CELF2: variants seen among roughly 807,000 people sequenced by gnomAD.
CELF2 encodes CUGBP Elav-like family member 2.
Under a neutral mutation model 62.6 loss-of-function variants are expected in CELF2, and 8 were observed. That is an observed-to-expected ratio of 0.13 (90% CI 0.07 to 0.23). CELF2 has a LOEUF of 0.23. Ranked by LOEUF, CELF2 falls within the 10% of genes least tolerant of loss-of-function variation. CELF2 has a pLI of 1.00. For synonymous variants in CELF2, 258 were observed against 250.0 expected, an observed-to-expected ratio of 1.03 and a Z score of -0.30; for missense variants, 333 against 671.0, an observed-to-expected ratio of 0.50 and a Z score of 5.56.
At chr10:11,128,856 G>T (rs895353187) in intron 1 of CELF2, among the ~76,000 whole-genome samples, 3 of 152,118 alleles carry the variant, frequency 2.0e-5, no homozygotes, top group Non-Finnish European at 4.4e-5. Flanking sequence ...TTTCCTAATT[G>T]AATACCCTTT....
chr10:10,711,877 A>G, the CELF2 span, among the ~76,000 whole-genome samples: 5 of 152,138 alleles, frequency 3.3e-5, no homozygotes, highest in Admixed American at 3.3e-4. Flanking sequence ...GCTAGACTCC[A>G]TCTCATAAAA....
At chr10:10,869,088 TCTTA>T (rs1216704013) in intron 1 of CELF2, among the ~76,000 whole-genome samples, 1 of 152,210 alleles carries the variant, frequency 6.6e-6, no homozygotes, top group African/African-American at 2.4e-5. Context: ...TTTTTCCATG[TCTTA>T]CTTTTTTTAA....
chr10:10,922,381 C>A (rs2065002773), intron 2 of CELF2, among the ~76,000 whole-genome samples: 1 of 152,164 alleles, frequency 6.6e-6, no homozygotes, highest in African/African-American at 2.4e-5. Flanking sequence ...CTGAGGAAGT[C>A]AATCCTGAAA....
rs1317659857 is a variant in CELF2, at chr10:11,321,268, C to T, written c.1176C>T (p.Thr392=). Residue 392 remains threonine, a synonymous_variant, in exon 11 of 13, where the codon ACC becomes ACT. Coordinates refer to ENST00000633077, the MANE Select transcript of CELF2 (RefSeq NM_001326342.2). This position sits in a 1 kb window ranked among gnomAD's most constrained non-coding sequence, Gnocchi z 6.2. ...ATGLTNGTAG[T]MDALTQAYSG... The stretch of plus-strand genomic sequence containing the variant: ...GCTTGACGAATGGCACGGCTGGCAC[C>T]ATGGACGCCCTCACCCAGGCCTACT... 6 of 1,613,910 alleles carry T rather than the reference C, an allele frequency of 3.7e-6. No individual in the cohort carries two copies. In the East Asian group the frequency reaches 6.7e-5, roughly 18 times the overall value.
At chr10:10,875,658 G>A (rs1049486313) in intron 1 of CELF2, among the ~76,000 whole-genome samples, 3 of 152,148 alleles carry the variant, frequency 2.0e-5, no homozygotes, top group Non-Finnish European at 4.4e-5. Flanking sequence ...TGGGGTGGGA[G>A]GATGAGGGAT....
intron 1 of CELF2, among the ~76,000 whole-genome samples, chr10:11,024,512 G>A (rs7084807): frequency 0.74 from 112,056 of 152,006 alleles, 44,952 homozygotes; most frequent in East Asian, 0.9. Flanking sequence ...GAGGGGGGAG[G>A]ATCGCCTGAA....
chr10:11,047,479 G>A (rs1001012406), intron 1 of CELF2, among the ~76,000 whole-genome samples: 2 of 152,126 alleles, frequency 1.3e-5, no homozygotes, highest in African/African-American at 2.4e-5. Context: ...GGAAGAGAGC[G>A]ATTTCTAGAG....
the CELF2 span, among the ~76,000 whole-genome samples, chr10:10,685,022 G>A: frequency 0.011 from 1,602 of 152,120 alleles, 26 homozygotes; most frequent in African/African-American, 0.036. Flanking sequence ...AACAACCACC[G>A]GAGACCAAAA....
At chr10:10,760,285 C>T in the CELF2 span, among the ~76,000 whole-genome samples, 1 of 152,180 alleles carries the variant, frequency 6.6e-6, no homozygotes, top group Admixed American at 6.5e-5. Flanking sequence ...ACCCCAGTCC[C>T]CCTCTTTATC....
At chr10:11,182,325 A>G (rs1025389386) in intron 2 of CELF2, among the ~76,000 whole-genome samples, 18 of 152,220 alleles carry the variant, frequency 1.2e-4, no homozygotes, top group African/African-American at 4.1e-4. Context: ...CGTAGTGCAC[A>G]CTGCCCTTTT....
intron 1 of CELF2, among the ~76,000 whole-genome samples, chr10:11,139,785 C>G (rs1272514393): frequency 6.6e-6 from 1 of 151,768 alleles, no homozygotes; most frequent in African/African-American, 2.4e-5. Flanking sequence ...AATACCTATT[C>G]TTTACCTCTC....
intron 1 of CELF2, among the ~76,000 whole-genome samples, chr10:10,814,483 G>A (rs1360951660): frequency 6.6e-6 from 1 of 152,172 alleles, no homozygotes; most frequent in African/African-American, 2.4e-5. Context: ...TTGAATGCAT[G>A]TATGATCAGG....
At chr10:10,727,440 AT>A in the CELF2 span, among the ~76,000 whole-genome samples, 2 of 152,140 alleles carry the variant, frequency 1.3e-5, no homozygotes, top group Non-Finnish European at 2.9e-5. Context: ...TTTATATGTC[AT>A]CATCATCCAC....
At chr10:10,489,354 A>G in the CELF2 span, among the ~76,000 whole-genome samples, 1 of 152,260 alleles carries the variant, frequency 6.6e-6, no homozygotes, top group South Asian at 2.1e-4. Context: ...GTGCTGGTAC[A>G]TTTGTAGCAT....
In CELF2 at chr10:10,988,292, TATAG is replaced by T. The variant is rs1193122934; in HGVS notation, c.89+68295_89+68298del. On this transcript the variant is annotated intron_variant, in intron 2 of 13. Coordinates refer to the CELF2 transcript ENST00000636488. The stretch of plus-strand genomic sequence containing the variant: ...ATGTGTGTGTGTATATATATATATA[TATAG>T]AGAGAGAGAGAGAGAGAGCATGGAA... 5.1e-3 allele frequency among the ~76,000 whole-genome samples: 766 copies of T among 148,894 alleles called. 6 individuals carry two copies. Among genetic ancestry groups the T allele is most frequent in the African/African-American group, 0.018 (714 of 39,476 alleles).
chr10:11,101,243 G>A (rs1419827988), intron 1 of CELF2, among the ~76,000 whole-genome samples: 2 of 152,144 alleles, frequency 1.3e-5, no homozygotes, highest in East Asian at 1.9e-4. Flanking sequence ...TGAGGCTTCC[G>A]ATATGTGGGG....
At position 11,260,858 on chromosome 10, in the gene CELF2, T is replaced by TA. The variant is rs751470363; in HGVS notation, c.538+2990dup. ...CCTGCTCCTGAATCAGTGTATTTGT[T>TA]AAAAGCACAATTCTCTTTCATGCTA... On this transcript the variant is annotated intron_variant, in intron 5 of 12. Coordinates refer to ENST00000633077, the MANE Select transcript of CELF2 (RefSeq NM_001326342.2). This position sits in a 1 kb window ranked among gnomAD's most constrained non-coding sequence, Gnocchi z 4.2. Among the ~76,000 whole-genome samples the TA allele has an allele frequency of 9.2e-5, 14 of 152,358 alleles. No homozygotes were observed. Among genetic ancestry groups the TA allele is most frequent in the African/African-American group, 1.7e-4 (7 of 41,586 alleles).
At chr10:10,576,808 A>G in the CELF2 span, among the ~76,000 whole-genome samples, 1 of 152,184 alleles carries the variant, frequency 6.6e-6, no homozygotes, top group Non-Finnish European at 1.5e-5. Context: ...AGTAACTGGT[A>G]TAAAGTAAAT....
Position 10,911,555 on chromosome 10 carries a change from C to T in CELF2, c.54-8409C>T, listed in dbSNP as rs190099804. 5.4e-3 allele frequency among the ~76,000 whole-genome samples: 828 copies of T among 152,330 alleles called. 1 individual carries two copies. Among genetic ancestry groups the T allele is most frequent in the Non-Finnish European group, 7.0e-3 (473 of 68,036 alleles). On this transcript the variant is annotated intron_variant, in intron 1 of 13. Coordinates refer to the CELF2 transcript ENST00000636488. ...GATGGAAGTGGCTCGTTCCAAGCACCGCGCAGTGCATTCCTGAGTATTGAC... is the reference window on the plus strand; with the variant it reads ...GATGGAAGTGGCTCGTTCCAAGCACTGCGCAGTGCATTCCTGAGTATTGAC...
Sources: gnomAD v4.1 joint callset for allele counts (sites outside exome capture counted in the v4.1 genomes callset) on GRCh38, gnomAD v4.1.1 for gene constraint, Gnocchi (gnomAD v3.1) non-coding constraint, MANE v1.5 for transcripts, NCBI Gene and HGNC (gene_info 2026-07-23, HGNC 2026-07-21) for gene names.